The following PCNX2 variants were observed in gnomAD, a reference collection of about 807,000 sequenced individuals.
The protein encoded by PCNX2 is pecanex 2.
In PCNX2, 168 loss-of-function variants were observed where a neutral mutation model predicts 223.8. The ratio of observed to expected loss-of-function variants is 0.75; its 90% CI spans 0.66 to 0.85. The LOEUF is 0.85. PCNX2 is among the 40% of genes least tolerant of loss of function. The pLI is 0.00. For missense variants in PCNX2, 2,507 were observed against 2,675.5 expected (o/e 0.94, Z 1.39); for synonymous variants, 1,006 against 1,052.6 (o/e 0.96, Z 0.86).
In PCNX2 at chr1:233,000,274, A is replaced by G. The variant is rs368514307; in HGVS notation, c.5328+31T>C. The G allele has an allele frequency of 6.2e-7, 1 of 1,602,618 alleles. No homozygotes were observed. Among genetic ancestry groups the G allele is most frequent in the East Asian group, 2.2e-5 (1 of 44,818 alleles). ...TTCTCAGATAGAGAGACACGAGCCA[A>G]CAGGGGACCCAGAAAGTGTGGCCGC... On this transcript the variant is annotated intron_variant, in intron 30 of 33. Coordinates refer to ENST00000258229, the MANE Select transcript of PCNX2 (RefSeq NM_014801.4). This position sits in a 1 kb window ranked among gnomAD's most constrained non-coding sequence, Gnocchi z 4.6.
chr1:233,235,327 C>T (rs1658320882), intron 9 of PCNX2, among the ~76,000 whole-genome samples: 1 of 152,194 alleles, frequency 6.6e-6, no homozygotes, highest in Middle Eastern at 3.4e-3. Context: ...TCACTCTGCC[C>T]CAGGCTAGAG....
intron 21 of PCNX2, among the ~76,000 whole-genome samples, chr1:233,133,499 C>T (rs1286954283): frequency 6.6e-6 from 1 of 151,996 alleles, no homozygotes; most frequent in African/African-American, 2.4e-5. Flanking sequence ...TGGTGAGAAA[C>T]CAATGGAAGA....
At chr1:233,168,163 G>A (rs1426359581) in intron 17 of PCNX2, among the ~76,000 whole-genome samples, 1 of 152,028 alleles carries the variant, frequency 6.6e-6, no homozygotes, top group African/African-American at 2.4e-5. Context: ...AGCAAATTTA[G>A]GTCTTTGTAA....
At chr1:233,027,932 T>C (rs1051048858) in intron 25 of PCNX2, among the ~76,000 whole-genome samples, 1 of 152,224 alleles carries the variant, frequency 6.6e-6, no homozygotes, top group African/African-American at 2.4e-5. Flanking sequence ...ATTTTTTATA[T>C]GCTGCGTTTT....
At chr1:233,240,414 G>A (rs1045503944) in intron 8 of PCNX2, among the ~76,000 whole-genome samples, 6 of 152,072 alleles carry the variant, frequency 3.9e-5, no homozygotes, top group Non-Finnish European at 7.3e-5. Flanking sequence ...AAGCCAAAGC[G>A]TTTCCCACAT....
intron 25 of PCNX2, among the ~76,000 whole-genome samples, chr1:233,051,824 A>G (rs968217895): frequency 2.0e-5 from 3 of 152,200 alleles, no homozygotes; most frequent in Non-Finnish European, 4.4e-5. Flanking sequence ...AAACCTGCAT[A>G]TGTACCCCCA....
intron 32 of PCNX2, among the ~76,000 whole-genome samples, chr1:232,992,641 C>T (rs997905914): frequency 5.3e-5 from 8 of 152,230 alleles, no homozygotes; most frequent in African/African-American, 1.7e-4. Flanking sequence ...CTCAGACTGG[C>T]CACTGCCTGG....
chr1:233,198,308 C>T (rs955816318), intron 15 of PCNX2, among the ~76,000 whole-genome samples: 2 of 152,282 alleles, frequency 1.3e-5, no homozygotes, highest in Middle Eastern at 3.4e-3. Flanking sequence ...CTTCTATTAG[C>T]GATATAACAT....
rs1661733959 is a variant in PCNX2 at position 233,291,029 on chromosome 1, A to G, written c.153+4297T>C. 3.0e-6 allele frequency: 3 copies of G among 985,412 alleles called. No homozygotes were observed. In the South Asian group the frequency reaches 1.4e-4, roughly 46 times the overall value. The allele number at this position is 985,412 out of a possible 1,614,324, so 61.0% of individuals were successfully genotyped here. On this transcript the variant is annotated intron_variant, in intron 1 of 33. Coordinates refer to ENST00000258229, the MANE Select transcript of PCNX2 (RefSeq NM_014801.4). ...TGACCACAATGCCACTGGCATAATC[A>G]TAATTCCACTGCAGGTGGCTCCACG...
At chr1:232,996,196 G>A (rs1004135154) in intron 32 of PCNX2, among the ~76,000 whole-genome samples, 1 of 152,064 alleles carries the variant, frequency 6.6e-6, no homozygotes, top group African/African-American at 2.4e-5. Flanking sequence ...CAAGAAACCA[G>A]GTCTGAAGCA....
intron 13 of PCNX2, 31 bp from the exon 14 acceptor site, chr1:233,200,295 G>A (rs1680995156): frequency 6.8e-7 from 1 of 1,479,568 alleles, no homozygotes; most frequent in Non-Finnish European, 9.2e-7. Flanking sequence ...TTGACGATAA[G>A]CATGGGGAAC....
rs1262509352 is a variant in PCNX2, at chr1:232,990,700, C to G, written c.5792-4160G>C. On this transcript the variant is annotated intron_variant, in intron 32 of 33. Transcript: ENST00000258229. This position sits in a 1 kb window ranked among gnomAD's most constrained non-coding sequence, Gnocchi z 4.3. ...TTCCCTTGGTGGCCCCTGCAGCCGTCTCTGTCCCCACAGGGCCAGGAAGCT... is the reference window on the plus strand; with the variant it reads ...TTCCCTTGGTGGCCCCTGCAGCCGTGTCTGTCCCCACAGGGCCAGGAAGCT... Among the ~76,000 whole-genome samples the G allele has an allele frequency of 6.6e-6, 1 of 152,160 alleles. No individual in the cohort carries two copies. The highest frequency in any genetic ancestry group is 1.5e-5 in the Non-Finnish European group (1 of 68,026).
In PCNX2 at chr1:233,178,631, A is replaced by C. The variant is rs538065595; in HGVS notation, c.3176+435T>G. ...ACAACAACAACAAAACAATAAAATC[A>C]AACAAAATCTTTCTTTTCAGAGGTG... On this transcript the variant is annotated intron_variant, in intron 16 of 33. Transcript: ENST00000258229. Among the ~76,000 whole-genome samples the C allele has an allele frequency of 5.3e-5, 8 of 152,132 alleles. No homozygotes were observed. The East Asian group carries it at 9.6e-4, about 18-fold the overall frequency.
In PCNX2 at chr1:233,175,168, G is replaced by T. The variant is rs551640367; in HGVS notation, c.3273+2634C>A. On this transcript the variant is annotated intron_variant, in intron 17 of 33. Coordinates refer to ENST00000258229, the MANE Select transcript of PCNX2 (RefSeq NM_014801.4). Reference sequence around the variant, plus strand: ...AACAAAATCAGAGACAATGGGAGGGGGGTTTATGCTTGCACAGTGTCACAG... The same window carrying T: ...AACAAAATCAGAGACAATGGGAGGGTGGTTTATGCTTGCACAGTGTCACAG... Among the ~76,000 whole-genome samples, 4 of 152,078 alleles carry T rather than the reference G, an allele frequency of 2.6e-5. No homozygotes were observed. In the East Asian group the frequency reaches 7.7e-4, roughly 29 times the overall value.
chr1:233,165,103 T>C (rs1678713986), intron 17 of PCNX2, among the ~76,000 whole-genome samples: 2 of 152,206 alleles, frequency 1.3e-5, no homozygotes, highest in South Asian at 2.1e-4. Context: ...GCAGAATGCA[T>C]ACATGTATGA....
At chr1:233,087,920 T>C (rs1327487883) in intron 23 of PCNX2, among the ~76,000 whole-genome samples, 1 of 152,164 alleles carries the variant, frequency 6.6e-6, no homozygotes, top group Non-Finnish European at 1.5e-5. Flanking sequence ...CACACACACA[T>C]ACAGGGAACC....
intron 21 of PCNX2, chr1:233,112,909 C>T: frequency 7.8e-7 from 1 of 1,289,242 alleles, no homozygotes; most frequent in Non-Finnish European, 1.0e-6. Context: ...AGATGAACTG[C>T]AGTAACTTGC....
chr1:233,081,008 A>AG lies in PCNX2; in HGVS notation c.4076+9052dup, dbSNP rs370958164. ...TTTAACACCCTAGAAAATCAAGGGC[A>AG]GGTCATAGCCTCAAATAGGGATTTC... is the stretch of plus-strand genomic sequence containing the variant. On this transcript the variant is annotated intron_variant, in intron 23 of 33. Coordinates refer to ENST00000258229, the MANE Select transcript of PCNX2 (RefSeq NM_014801.4). 2.4e-3 allele frequency among the ~76,000 whole-genome samples: 359 copies of AG among 152,322 alleles called. 1 individual carries two copies. The highest frequency in any genetic ancestry group is 3.1e-3 in the Non-Finnish European group (210 of 68,028).
At chr1:233,203,248 C>G (rs1681237210) in intron 13 of PCNX2, among the ~76,000 whole-genome samples, 1 of 152,122 alleles carries the variant, frequency 6.6e-6, no homozygotes, top group East Asian at 1.9e-4. Flanking sequence ...AAATATGGTA[C>G]TAAGAATCAG....
Sources: gnomAD v4.1 joint callset for allele counts (sites outside exome capture counted in the v4.1 genomes callset) on GRCh38, gnomAD v4.1.1 for gene constraint, Gnocchi (gnomAD v3.1) non-coding constraint, MANE v1.5 for transcripts, NCBI Gene and HGNC (gene_info 2026-07-23, HGNC 2026-07-21) for gene names.